The following QSER1 variants were observed in gnomAD, a reference collection of about 807,000 sequenced individuals.
QSER1 encodes the protein glutamine and serine-rich protein 1.
QSER1 carries 49 observed loss-of-function variants against 158.5 expected under a neutral mutation model. The ratio of observed to expected loss-of-function variants is 0.31; its 90% CI spans 0.25 to 0.39. QSER1 has a LOEUF of 0.39. QSER1 is among the 10% of genes least tolerant of loss of function. The pLI, the probability that QSER1 is intolerant of heterozygous loss-of-function variation, is 1.00. For missense variants in QSER1, 1,754 were observed against 2,010.3 expected (o/e 0.87, Z 2.44); for synonymous variants, 650 against 715.5 (o/e 0.91, Z 1.46).
intron 8 of QSER1, among the ~76,000 whole-genome samples, chr11:32,963,416 C>G (rs781375079): frequency 6.6e-6 from 1 of 151,374 alleles, no homozygotes; most frequent in African/African-American, 2.4e-5. Context: ...AGTGCAGTGG[C>G]GCGATCTCGG....
At chr11:32,899,418 G>A (rs1399898921) in intron 1 of QSER1, among the ~76,000 whole-genome samples, 3 of 152,128 alleles carry the variant, frequency 2.0e-5, no homozygotes, top group African/African-American at 7.2e-5. Flanking sequence ...CCTTTCCTTG[G>A]TATGTTCTCT....
Position 32,924,627 on chromosome 11 carries a change from C to T in QSER1, c.210-2530C>T, listed in dbSNP as rs184490700. On this transcript the variant is annotated intron_variant, in intron 1 of 12. Transcript: ENST00000650167. ...AATGAAAGAGAATGAAAAGGCAAGC[C>T]AATAGACTGGGAGAAAATACTCCCA... is the stretch of plus-strand genomic sequence containing the variant. Among the ~76,000 whole-genome samples, 289 of 150,632 alleles carry T rather than the reference C, an allele frequency of 1.9e-3. No individual in the cohort carries two copies. In the Middle Eastern group the frequency reaches 0.021, roughly 11 times the overall value.
chr11:32,936,854 A>G (rs1852160022), intron 4 of QSER1, among the ~76,000 whole-genome samples: 1 of 152,224 alleles, frequency 6.6e-6, no homozygotes, highest in South Asian at 2.1e-4. Context: ...GCTGGTATCC[A>G]AATAACCTGT....
chr11:32,937,449 T>C (rs893322235), intron 4 of QSER1, among the ~76,000 whole-genome samples: 1 of 152,072 alleles, frequency 6.6e-6, no homozygotes, highest in East Asian at 1.9e-4. Context: ...CATGCCTGGC[T>C]AATTTTTTTT....
At chr11:32,908,186 A>G (rs1437263125) in intron 1 of QSER1, among the ~76,000 whole-genome samples, 1 of 152,222 alleles carries the variant, frequency 6.6e-6, no homozygotes, top group East Asian at 1.9e-4. Context: ...CTTTGTCCAG[A>G]AGAAAGATTG....
chr11:32,922,221 A>T (rs1333330329), intron 1 of QSER1, among the ~76,000 whole-genome samples: 1 of 152,184 alleles, frequency 6.6e-6, no homozygotes, highest in Non-Finnish European at 1.5e-5. Flanking sequence ...TACAATAGAT[A>T]AATTAAAAAC....
chr11:32,904,538 T>A (rs1851666826), intron 1 of QSER1, among the ~76,000 whole-genome samples: 1 of 151,582 alleles, frequency 6.6e-6, no homozygotes. Context: ...AATATGTGTA[T>A]GGATGCTGTA....
rs532201687 is a variant in QSER1, at chr11:32,931,079, C to CTT, written c.485-655_485-654dup. 5.8e-4 allele frequency among the ~76,000 whole-genome samples: 85 copies of CTT among 147,744 alleles called. 2 individuals carry two copies. The South Asian group carries it at 0.015, about 26-fold the overall frequency. ...ATCATGTTAGATGTAGGCAATTTAG[C>CTT]TTTTTTTTTTCCATTTTAATGTTAT... is the stretch of plus-strand genomic sequence containing the variant. On this transcript the variant is annotated intron_variant, in intron 3 of 12. Coordinates refer to ENST00000650167, the MANE Select transcript of QSER1 (RefSeq NM_001076786.3).
chr11:32,935,756 A>C (rs1410203542), intron 4 of QSER1, among the ~76,000 whole-genome samples: 1 of 152,132 alleles, frequency 6.6e-6, no homozygotes, highest in African/African-American at 2.4e-5. Flanking sequence ...AACCTGGTAC[A>C]TTTTCTTAGT....
Position 32,976,616 on chromosome 11 carries a change from G to T in QSER1, c.*142G>T. ...AACTGTCATTACCACCTCTGCTGAA[G>T]GACAGTGGTGCGGCCTTTAGGAACG... On this transcript the variant is annotated 3_prime_UTR_variant, in exon 13 of 13. Transcript: ENST00000650167. 1 of 879,742 alleles carries T rather than the reference G, an allele frequency of 1.1e-6. No homozygotes were observed. The highest frequency in any genetic ancestry group is 1.8e-6 in the Non-Finnish European group (1 of 564,914). 54.5% of individuals were successfully genotyped at this position (879,742 alleles called of 1,614,324 possible). A position where few individuals can be genotyped will look rare whatever the true frequency, so the allele number is the denominator to read the frequency against.
chr11:32,910,933 G>A (rs191070920), intron 1 of QSER1, among the ~76,000 whole-genome samples: 8 of 152,264 alleles, frequency 5.3e-5, no homozygotes, highest in African/African-American at 1.4e-4. Flanking sequence ...TTTGTAGCGC[G>A]AGGGGTTGTG....
At chr11:32,938,694 G>T (rs1287481296) in intron 4 of QSER1, among the ~76,000 whole-genome samples, 1 of 151,934 alleles carries the variant, frequency 6.6e-6, no homozygotes, top group Non-Finnish European at 1.5e-5. Context: ...CCTGTTTTTT[G>T]ACTTTAAATT....
At chr11:32,905,649 A>G (rs555719881) in intron 1 of QSER1, among the ~76,000 whole-genome samples, 128 of 152,160 alleles carry the variant, frequency 8.4e-4, no homozygotes, top group Non-Finnish European at 1.5e-3. Context: ...TTTTGACTCA[A>G]ATCTGATCCT....
At chr11:32,921,991 C>A (rs917671916) in intron 1 of QSER1, among the ~76,000 whole-genome samples, 1 of 152,132 alleles carries the variant, frequency 6.6e-6, no homozygotes, top group Non-Finnish European at 1.5e-5. Flanking sequence ...CAAGACAATT[C>A]AATAGGTAAA....
chr11:32,930,642 A>C (rs12288319), intron 3 of QSER1, among the ~76,000 whole-genome samples: 5,743 of 152,256 alleles, frequency 0.038, 372 homozygotes, highest in African/African-American at 0.13. Context: ...TATCCACCTT[A>C]ATGTTTATGG....
chr11:32,974,498 G>C (rs1278024272), intron 11 of QSER1, among the ~76,000 whole-genome samples: 1 of 152,046 alleles, frequency 6.6e-6, no homozygotes, highest in African/African-American at 2.4e-5. Flanking sequence ...TGCTCATTGT[G>C]GAATTGTTTG....
intron 11 of QSER1, among the ~76,000 whole-genome samples, chr11:32,973,989 C>T (rs929132772): frequency 6.6e-6 from 1 of 152,124 alleles, no homozygotes; most frequent in African/African-American, 2.4e-5. Context: ...GTGTGCAGAA[C>T]ACATTCCATA....
intron 1 of QSER1, among the ~76,000 whole-genome samples, chr11:32,918,654 A>G (rs1851865000): frequency 6.6e-6 from 1 of 151,764 alleles, no homozygotes; most frequent in Non-Finnish European, 1.5e-5. Context: ...TTACCTTTTT[A>G]AGAGAATGAC....
At chr11:32,941,529 A>T (rs1000682137) in intron 4 of QSER1, among the ~76,000 whole-genome samples, 1 of 151,538 alleles carries the variant, frequency 6.6e-6, no homozygotes, top group Admixed American at 6.6e-5. Flanking sequence ...ATGATTTCCA[A>T]TTTCATCCAT....
Sources: gnomAD v4.1 joint callset for allele counts (sites outside exome capture counted in the v4.1 genomes callset) on GRCh38, gnomAD v4.1.1 for gene constraint, MANE v1.5 for transcripts, NCBI Gene and HGNC (gene_info 2026-07-23, HGNC 2026-07-21) for gene names.